CNTNAP2: variants seen among roughly 807,000 people sequenced by gnomAD.
CNTNAP2 encodes contactin associated protein 2.
Under a neutral mutation model 155.2 loss-of-function variants are expected in CNTNAP2, and 98 were observed. That is an observed-to-expected ratio of 0.63 (90% CI 0.54 to 0.75). The LOEUF is 0.75. Ranked by LOEUF, CNTNAP2 falls within the 30% of genes least tolerant of loss-of-function variation. The probability of loss-of-function intolerance (pLI) is 0.00; values close to 1 mark genes in which losing one functional copy is unlikely to be tolerated. For synonymous variants in CNTNAP2, 651 were observed against 631.2 expected (o/e 1.03, Z -0.47); for missense variants, 1,727 against 1,688.1 (o/e 1.02, Z -0.40).
intron 11 of CNTNAP2, among the ~76,000 whole-genome samples, chr7:147,557,644 G>C (rs1799976583): frequency 6.6e-6 from 1 of 152,134 alleles, no homozygotes; most frequent in Non-Finnish European, 1.5e-5. Context: ...ACTCCACTGG[G>C]TGCAGAGCTA....
At chr7:146,477,291 G>T (rs1038848721) in intron 1 of CNTNAP2, among the ~76,000 whole-genome samples, 1 of 152,020 alleles carries the variant, frequency 6.6e-6, no homozygotes, top group Non-Finnish European at 1.5e-5. Flanking sequence ...AACAAAATCA[G>T]GTCATACATA....
intron 11 of CNTNAP2, among the ~76,000 whole-genome samples, chr7:147,558,612 C>T (rs893407392): frequency 6.6e-6 from 1 of 152,186 alleles, no homozygotes; most frequent in Non-Finnish European, 1.5e-5. Flanking sequence ...TGAGGCAAAG[C>T]AGCTTAGGCC....
intron 6 of CNTNAP2, among the ~76,000 whole-genome samples, chr7:147,123,694 A>G (rs979509970): frequency 1.3e-5 from 2 of 152,224 alleles, no homozygotes; most frequent in African/African-American, 4.8e-5. Flanking sequence ...TTATATTGCT[A>G]CACTTTTCTC....
intron 9 of CNTNAP2, among the ~76,000 whole-genome samples, chr7:147,314,787 A>C (rs997191123): frequency 3.3e-5 from 5 of 151,296 alleles, no homozygotes; most frequent in Admixed American, 3.3e-4. Context: ...AAGGGCAGAA[A>C]ATACATGTAA....
intron 8 of CNTNAP2, among the ~76,000 whole-genome samples, chr7:147,283,193 T>A (rs1805085031): frequency 6.6e-6 from 1 of 151,974 alleles, no homozygotes; most frequent in South Asian, 2.1e-4. Context: ...GTGACTCCAA[T>A]ATTTTCCACA....
chr7:147,420,767 C>T (rs1797277801), intron 10 of CNTNAP2, among the ~76,000 whole-genome samples: 1 of 152,136 alleles, frequency 6.6e-6, no homozygotes, highest in Non-Finnish European at 1.5e-5. Context: ...TAATTTTACT[C>T]TGTATTAATG....
chr7:147,814,250 C>T (rs1192679879), intron 13 of CNTNAP2, among the ~76,000 whole-genome samples: 2 of 152,126 alleles, frequency 1.3e-5, no homozygotes, highest in Non-Finnish European at 2.9e-5. Flanking sequence ...AAAAGCTAAA[C>T]AAGGCATAAA....
At chr7:147,219,869 G>A (rs570999673) in intron 8 of CNTNAP2, among the ~76,000 whole-genome samples, 2 of 151,906 alleles carry the variant, frequency 1.3e-5, no homozygotes, top group Non-Finnish European at 1.5e-5. Context: ...TCCGCCTCCC[G>A]GGTTCACGCC....
At chr7:146,647,387 A>T (rs936661943) in intron 1 of CNTNAP2, among the ~76,000 whole-genome samples, 2 of 151,094 alleles carry the variant, frequency 1.3e-5, no homozygotes, top group Non-Finnish European at 3.0e-5. Flanking sequence ...AAGAAAGAAA[A>T]GTTCAGTATC....
chr7:148,294,039 C>CA lies in CNTNAP2; in HGVS notation c.3475+26941dup, dbSNP rs10607772. Among the ~76,000 whole-genome samples the CA allele has an allele frequency of 5.4e-3, 381 of 70,018 alleles. 8 individuals are homozygous for CA. The highest frequency in any genetic ancestry group is 9.8e-3 in the African/African-American group (178 of 18,188). 45.9% of individuals were successfully genotyped at this position (70,018 alleles called of 152,430 possible). ...TGGGCAGCAGAGCGAGGCTCCATCT[C>CA]AAAAAAAAAAAAAAAAAAAAAAAAA... On this transcript the variant is annotated intron_variant, in intron 21 of 23. Coordinates refer to ENST00000361727, the MANE Select transcript of CNTNAP2 (RefSeq NM_014141.6).
At chr7:146,117,567 CTG>C (rs1320731448) in intron 1 of CNTNAP2, among the ~76,000 whole-genome samples, 6 of 152,126 alleles carry the variant, frequency 3.9e-5, no homozygotes, top group African/African-American at 1.4e-4. Context: ...ATGGATATGA[CTG>C]ATGCAGTACG....
chr7:147,984,039 G>C (rs1258041282), intron 15 of CNTNAP2, among the ~76,000 whole-genome samples: 1 of 152,168 alleles, frequency 6.6e-6, no homozygotes, highest in African/African-American at 2.4e-5. Context: ...AAACATGTTT[G>C]GGTGTGAAAT....
At chr7:147,184,929 T>A (rs1802532820) in intron 8 of CNTNAP2, among the ~76,000 whole-genome samples, 1 of 152,112 alleles carries the variant, frequency 6.6e-6, no homozygotes, top group South Asian at 2.1e-4. Flanking sequence ...AAAACATTGG[T>A]ACTATTGGGA....
chr7:147,039,429 T>A (rs1352576633), intron 3 of CNTNAP2, among the ~76,000 whole-genome samples: 3 of 152,340 alleles, frequency 2.0e-5, no homozygotes, highest in Middle Eastern at 3.4e-3. Context: ...TTAGTTCTCA[T>A]CATTTAGCTC....
intron 8 of CNTNAP2, among the ~76,000 whole-genome samples, chr7:147,269,634 G>C (rs895743147): frequency 3.9e-5 from 6 of 152,236 alleles, no homozygotes; most frequent in African/African-American, 1.4e-4. Flanking sequence ...GGAGGAGACA[G>C]AAGGGCCAGG....
At chr7:148,291,312 T>TATAA (rs1554412947) in intron 21 of CNTNAP2, among the ~76,000 whole-genome samples, 5 of 108,676 alleles carry the variant, frequency 4.6e-5, no homozygotes, top group African/African-American at 1.3e-4. Flanking sequence ...TATATATATA[T>TATAA]AAAATATGGA....
In CNTNAP2 at chr7:146,151,635, GATATATATATATATATATATATATATAT is replaced by G. The variant is rs1226681385; in HGVS notation, c.97+34681_97+34708del. ...ACTGATGAATGGACAAAGAAAACGT[GATATATATATATATATATATATATATAT>G]ATATATATATATATATATGTATATA... On this transcript the variant is annotated intron_variant, in intron 1 of 23. Coordinates refer to ENST00000361727, the MANE Select transcript of CNTNAP2 (RefSeq NM_014141.6). Among the ~76,000 whole-genome samples the G allele has an allele frequency of 1.4e-4, 5 of 36,406 alleles. No individual in the cohort carries two copies. The South Asian group carries it at 3.7e-3, about 27-fold the overall frequency. The allele number at this position is 36,406 out of a possible 152,430, so 23.9% of individuals were successfully genotyped here.
chr7:147,193,050 TG>T (rs1563110443), intron 8 of CNTNAP2, among the ~76,000 whole-genome samples: 1 of 152,190 alleles, frequency 6.6e-6, no homozygotes, highest in Non-Finnish European at 1.5e-5. Context: ...GTTGTGATCT[TG>T]GCTTCTTCAT....
In CNTNAP2 at chr7:148,227,884, C is replaced by CGTGTGTGTGT. The variant is rs3057282; in HGVS notation, c.3248-1720_3248-1711dup. On this transcript the variant is annotated intron_variant, in intron 19 of 23. Transcript: ENST00000361727. ...GATGCCTAAATAAGGAAGAGCACAG[C>CGTGTGTGTGT]GTGTGTGTGTGTGTGTGTGTGTGTG... Among the ~76,000 whole-genome samples the CGTGTGTGTGT allele has an allele frequency of 1.9e-3, 254 of 131,496 alleles. 3 individuals are homozygous for CGTGTGTGTGT. The highest frequency in any genetic ancestry group is 3.3e-3 in the South Asian group (12 of 3,592). 86.3% of individuals were successfully genotyped at this position (131,496 alleles called of 152,430 possible).
Sources: gnomAD v4.1 joint callset for allele counts (sites outside exome capture counted in the v4.1 genomes callset) on GRCh38, gnomAD v4.1.1 for gene constraint, MANE v1.5 for transcripts, NCBI Gene and HGNC (gene_info 2026-07-23, HGNC 2026-07-21) for gene names.